The following KCNQ1 variants were observed in gnomAD, a reference collection of about 807,000 sequenced individuals.
The protein encoded by KCNQ1 is potassium voltage-gated channel subfamily KQT member 1.
Under a neutral mutation model 72.4 loss-of-function variants are expected in KCNQ1, and 49 were observed. That is an observed-to-expected ratio of 0.68 (90% CI 0.54 to 0.86). The LOEUF (loss-of-function observed/expected upper bound fraction) is 0.86, where lower values mean the gene tolerates loss of function less well. Ranked by LOEUF, KCNQ1 falls within the 40% of genes least tolerant of loss-of-function variation. KCNQ1 has a pLI of 0.00. For missense variants in KCNQ1, 790 were observed against 945.1 expected (o/e 0.84, Z 2.15); for synonymous variants, 450 against 412.6 (o/e 1.09, Z -1.10).
chr11:2,578,322 C>T (rs1472878081), intron 6 of KCNQ1, among the ~76,000 whole-genome samples: 1 of 152,234 alleles, frequency 6.6e-6, no homozygotes, highest in Non-Finnish European at 1.5e-5. Flanking sequence ...CCCAGCCTTG[C>T]CAGCAGGGCA....
Position 2,781,347 on chromosome 11 carries a change from A to G in KCNQ1, c.1794+3310A>G, listed in dbSNP as rs1846819334. The stretch of plus-strand genomic sequence containing the variant: ...CACAGACAGGGGTGGGAGATGAGGT[A>G]GAGAGAGCAAGGAGGGGTTTCATAT... On this transcript the variant is annotated intron_variant, in intron 15 of 15. Coordinates refer to ENST00000155840, the MANE Select transcript of KCNQ1 (RefSeq NM_000218.3). This position sits in a 1 kb window ranked among gnomAD's most constrained non-coding sequence, Gnocchi z 6.6. 6.6e-6 allele frequency among the ~76,000 whole-genome samples: 1 copy of G among 152,162 alleles called. No individual in the cohort carries two copies. Among genetic ancestry groups the G allele is most frequent in the Admixed American group, 6.5e-5 (1 of 15,290 alleles).
At chr11:2,633,545 A>G in intron 10 of KCNQ1, 1 of 398,448 alleles carries the variant, frequency 2.5e-6, no homozygotes. Flanking sequence ...TGATTTTTTT[A>G]TATGCTGAGA....
At chr11:2,751,502 G>A (rs1846224693) in intron 11 of KCNQ1, among the ~76,000 whole-genome samples, 1 of 152,258 alleles carries the variant, frequency 6.6e-6, no homozygotes, top group East Asian at 1.9e-4. Flanking sequence ...TCTCAGTGCA[G>A]AGGGCAGTGG....
chr11:2,777,122 A>C, intron 14 of KCNQ1, 90 bp downstream of exon 14: 1 of 1,285,222 alleles, frequency 7.8e-7, no homozygotes, highest in Non-Finnish European at 1.1e-6. Flanking sequence ...ATGATGTCAG[A>C]ATGGGCCATT....
In KCNQ1 at chr11:2,670,881, C is replaced by A; in HGVS notation, c.1514+8800C>A. 2.5e-6 allele frequency: 1 copy of A among 398,660 alleles called. No individual in the cohort carries two copies. Among genetic ancestry groups the A allele is most frequent in the Non-Finnish European group, 4.4e-6 (1 of 226,082 alleles). 24.7% of individuals were successfully genotyped at this position (398,660 alleles called of 1,614,324 possible). ...ACTGGCCAGTGGGCCACTGGGAAGCCTCCTGGATTGCCTGGACAAGGCTGA... is the reference window on the plus strand; with the variant it reads ...ACTGGCCAGTGGGCCACTGGGAAGCATCCTGGATTGCCTGGACAAGGCTGA... On this transcript the variant is annotated intron_variant, in intron 11 of 15. Coordinates refer to ENST00000155840, the MANE Select transcript of KCNQ1 (RefSeq NM_000218.3). The surrounding 1 kb of genome is among the most constrained non-coding windows in gnomAD (Gnocchi z 4.9).
In KCNQ1 at chr11:2,759,341, C is replaced by G. The variant is rs2133971588; in HGVS notation, c.1515-9503C>G. Among the ~76,000 whole-genome samples the G allele has an allele frequency of 6.6e-6, 1 of 152,274 alleles. No homozygotes were observed. The highest frequency in any genetic ancestry group is 1.9e-4 in the East Asian group (1 of 5,174). ...GTTTCCCTCTTCATGTCTCCTGGGT[C>G]CTCCAGCACTCTGGGTTTCCTCTGC... On this transcript the variant is annotated intron_variant, in intron 11 of 15. Coordinates refer to ENST00000155840, the MANE Select transcript of KCNQ1 (RefSeq NM_000218.3). This position sits in a 1 kb window ranked among gnomAD's most constrained non-coding sequence, Gnocchi z 4.4.
chr11:2,617,754 T>C lies in KCNQ1; in HGVS notation c.1393+28900T>C, dbSNP rs1360910780. 1 of 398,446 alleles carries C rather than the reference T, an allele frequency of 2.5e-6. No homozygotes were observed. The highest frequency in any genetic ancestry group is 4.4e-6 in the Non-Finnish European group (1 of 226,026). The allele number at this position is 398,446 out of a possible 1,614,324, so 24.7% of individuals were successfully genotyped here. ...ATGAGTGTGAGGTGATATCGCATAGTAATTTTGATTTGCATTTCCCTGACG... is the reference window on the plus strand; with the variant it reads ...ATGAGTGTGAGGTGATATCGCATAGCAATTTTGATTTGCATTTCCCTGACG... On this transcript the variant is annotated intron_variant, in intron 10 of 15. Coordinates refer to ENST00000155840, the MANE Select transcript of KCNQ1 (RefSeq NM_000218.3). The surrounding 1 kb of genome is among the most constrained non-coding windows in gnomAD (Gnocchi z 4.6).
Position 2,769,716 on chromosome 11 carries a change from C to CTG in KCNQ1, c.1590+797_1590+798insTG, listed in dbSNP as rs1846559448. Among the ~76,000 whole-genome samples the CTG allele has an allele frequency of 6.6e-6, 1 of 152,110 alleles. No homozygotes were observed. The highest frequency in any genetic ancestry group is 6.5e-5 in the Admixed American group (1 of 15,282). ...GATCCAGAAGGCAAAAATCACAAAG[C>CTG]AGGGAAGGCTGGGGGGTGACTTGCC... On this transcript the variant is annotated intron_variant, in intron 12 of 15. Coordinates refer to ENST00000155840, the MANE Select transcript of KCNQ1 (RefSeq NM_000218.3). The surrounding 1 kb of genome is among the most constrained non-coding windows in gnomAD (Gnocchi z 4.6).
Position 2,462,441 on chromosome 11 carries a change from G to A in KCNQ1, c.386+16957G>A, listed in dbSNP as rs1846292505. Among the ~76,000 whole-genome samples the A allele has an allele frequency of 6.6e-6, 1 of 152,176 alleles. No homozygotes were observed. The highest frequency in any genetic ancestry group is 6.5e-5 in the Admixed American group (1 of 15,286). On this transcript the variant is annotated intron_variant, in intron 1 of 15. Coordinates refer to ENST00000155840, the MANE Select transcript of KCNQ1 (RefSeq NM_000218.3). The surrounding 1 kb of genome is among the most constrained non-coding windows in gnomAD (Gnocchi z 8.2). ...GGCGAAGGCCGCTGGTTTCTAGAAT[G>A]CACCATCTCTTCCTGGCATGACGGG...
intron 6 of KCNQ1, among the ~76,000 whole-genome samples, chr11:2,573,376 G>A (rs1002538553): frequency 6.6e-5 from 10 of 152,136 alleles, no homozygotes; most frequent in Admixed American, 3.3e-4. Flanking sequence ...CAAGGAGAGC[G>A]GCGTCAGATG....
rs754759811 is a variant in KCNQ1 at position 2,579,477 on chromosome 11, G to C, written c.922-3958G>C. ...AGACATGTGGATCTGCATTCCAGGT[G>C]GTGGGCCATCAGGGACTAATCCCCA... On this transcript the variant is annotated intron_variant, in intron 6 of 15. Transcript: ENST00000155840. This position sits in a 1 kb window ranked among gnomAD's most constrained non-coding sequence, Gnocchi z 6.0. Among the ~76,000 whole-genome samples, 8 of 152,334 alleles carry C rather than the reference G, an allele frequency of 5.3e-5. No homozygotes were observed. The highest frequency in any genetic ancestry group is 3.9e-4 in the East Asian group (2 of 5,180).
Position 2,541,604 on chromosome 11 carries a change from G to T in KCNQ1, c.477+13586G>T, listed in dbSNP as rs898035251. On this transcript the variant is annotated intron_variant, in intron 2 of 15. Transcript: ENST00000155840. The surrounding 1 kb of genome is among the most constrained non-coding windows in gnomAD (Gnocchi z 4.8). ...GGGACGCCGTTTTCGGGATGCTTGT[G>T]AGCAGGGCTTTGTCCCCACCGTTAG... is the stretch of plus-strand genomic sequence containing the variant. Among the ~76,000 whole-genome samples the T allele has an allele frequency of 6.6e-6, 1 of 152,118 alleles. No individual in the cohort carries two copies. The highest frequency in any genetic ancestry group is 3.4e-3 in the Middle Eastern group (1 of 294).
intron 11 of KCNQ1, among the ~76,000 whole-genome samples, chr11:2,726,621 G>A (rs1311867389): frequency 6.6e-6 from 1 of 151,972 alleles, no homozygotes; most frequent in East Asian, 1.9e-4. Context: ...ACTGAGGCCA[G>A]AGAAAAAGGG....
In KCNQ1 at chr11:2,583,854, G is replaced by A. The variant is rs546735126; in HGVS notation, c.1032+309G>A. ...GGTGGGTGGGCAATGCTGCTACCAC[G>A]CCCCATGGAGGCAGAATCTTGTGCC... On this transcript the variant is annotated intron_variant, in intron 7 of 15. Coordinates refer to ENST00000155840, the MANE Select transcript of KCNQ1 (RefSeq NM_000218.3). Among the ~76,000 whole-genome samples the A allele has an allele frequency of 2.4e-4, 36 of 152,308 alleles. No individual in the cohort carries two copies. The East Asian group carries it at 4.4e-3, about 19-fold the overall frequency.
intron 1 of KCNQ1, among the ~76,000 whole-genome samples, chr11:2,519,778 C>G (rs1052299117): frequency 2.3e-4 from 23 of 98,032 alleles, no homozygotes; most frequent in African/African-American, 8.5e-4. Context: ...TGTTGGCCCC[C>G]CCCCACAACA....
At chr11:2,503,325 GA>G (rs1847046878) in intron 1 of KCNQ1, among the ~76,000 whole-genome samples, 1 of 152,102 alleles carries the variant, frequency 6.6e-6, no homozygotes, top group Non-Finnish European at 1.5e-5. Context: ...ACCGCACAAG[GA>G]AAACATCTAA....
rs1256601938 is a variant in KCNQ1 at position 2,712,610 on chromosome 11, T to C, written c.1514+50529T>C. On this transcript the variant is annotated intron_variant, in intron 11 of 15. Transcript: ENST00000155840. This position sits in a 1 kb window ranked among gnomAD's most constrained non-coding sequence, Gnocchi z 6.4. ...CTCTCTTAGGTGGTTTGAGGAGACTTAGGGGCTTCCATATTCCCCTTGGAA... is the reference window on the plus strand; with the variant it reads ...CTCTCTTAGGTGGTTTGAGGAGACTCAGGGGCTTCCATATTCCCCTTGGAA... Among the ~76,000 whole-genome samples the C allele has an allele frequency of 2.0e-5, 3 of 152,118 alleles. No individual in the cohort carries two copies. Among genetic ancestry groups the C allele is most frequent in the Non-Finnish European group, 4.4e-5 (3 of 68,026 alleles).
intron 15 of KCNQ1, among the ~76,000 whole-genome samples, chr11:2,791,394 G>A (rs1339543813): frequency 6.6e-6 from 1 of 152,192 alleles, no homozygotes; most frequent in African/African-American, 2.4e-5. Context: ...GCCAACCTCA[G>A]AAAAACATGT....
chr11:2,471,991 TAA>T lies in KCNQ1; in HGVS notation c.386+26508_386+26509del, dbSNP rs750675667. Among the ~76,000 whole-genome samples the T allele has an allele frequency of 1.2e-4, 18 of 152,096 alleles. No individual in the cohort carries two copies. Among genetic ancestry groups the T allele is most frequent in the South Asian group, 4.1e-4 (2 of 4,822 alleles). ...ATGGGTGTGTGTGCACCTATGTGTA[TAA>T]GTGTGTGTGCACATGTGTATAGGTG... is the stretch of plus-strand genomic sequence containing the variant. On this transcript the variant is annotated intron_variant, in intron 1 of 15. Coordinates refer to ENST00000155840, the MANE Select transcript of KCNQ1 (RefSeq NM_000218.3). This position sits in a 1 kb window ranked among gnomAD's most constrained non-coding sequence, Gnocchi z 4.8.
Sources: allele counts gnomAD v4.1 joint callset (sites outside exome capture counted in the v4.1 genomes callset), GRCh38; gene constraint gnomAD v4.1.1; non-coding constraint Gnocchi (gnomAD v3.1); transcripts MANE v1.5; gene names NCBI Gene and HGNC (gene_info 2026-07-23, HGNC 2026-07-21).